Variants in NDUFV1 observed in about 807,000 individuals in gnomAD.
NDUFV1 encodes the protein NADH dehydrogenase [ubiquinone] flavoprotein 1, mitochondrial.
NDUFV1 carries 41 observed loss-of-function variants against 48.7 expected under a neutral mutation model. The ratio of observed to expected loss-of-function variants is 0.84; its 90% confidence interval spans 0.66 to 1.09. The LOEUF is 1.09. Among genes scored for constraint, NDUFV1 ranks in the 50% least tolerant of loss-of-function variants. The pLI, the probability that NDUFV1 is intolerant of heterozygous loss-of-function variation, is 0.00. For missense variants in NDUFV1, 580 were observed against 645.4 expected (o/e 0.90, Z 1.10); for synonymous variants, 231 against 259.1 (o/e 0.89, Z 1.04).
intron 1 of NDUFV1, chr11:67,607,701 G>A (rs1048076701): frequency 1.7e-5 from 6 of 351,450 alleles, no homozygotes; most frequent in East Asian, 7.6e-5. Context: ...TGCCACACTC[G>A]GCTTGTGGGG....
At chr11:67,609,375 G>A (rs903720412) in intron 3 of NDUFV1, 77 bp from the exon 4 acceptor site, 2 of 1,474,744 alleles carry the variant, frequency 1.4e-6, no homozygotes, top group African/African-American at 2.8e-5. Flanking sequence ...GGCCTCCCTG[G>A]GTGGAGTGGG....
intron 5 of NDUFV1, 111 bp downstream of exon 5, chr11:67,610,681 C>T: frequency 7.0e-7 from 1 of 1,436,584 alleles, no homozygotes; most frequent in Non-Finnish European, 9.5e-7. Flanking sequence ...CGGCTGGGGC[C>T]AGATAGAGAG....
In NDUFV1 at chr11:67,609,617, T is replaced by C; in HGVS notation, c.492T>C (p.Asn164=). 2 of 1,605,870 alleles carry C rather than the reference T, an allele frequency of 1.2e-6. No homozygotes were observed. Among genetic ancestry groups the C allele is most frequent in the South Asian group, 1.1e-5 (1 of 91,086 alleles). The change falls in exon 4 of 10, where the codon AAT becomes AAC. Residue 164 remains asparagine (N), a synonymous_variant. Coordinates refer to ENST00000322776, the MANE Select transcript of NDUFV1 (RefSeq NM_007103.4). ...TCTACATCCGAGGGGAATTCTACAA[T>C]GAGGCCTCCAATCTGCAGGTGGGTA... ...AYIYIRGEFY[N]EASNLQVAIR... is the part of the protein sequence containing the mutation.
In NDUFV1 at chr11:67,611,237, G is replaced by A; in HGVS notation, c.913+30G>A. On this transcript the variant is annotated intron_variant, in intron 6 of 9. Coordinates refer to ENST00000322776, the MANE Select transcript of NDUFV1 (RefSeq NM_007103.4). The surrounding 1 kb of genome is among the most constrained non-coding windows in gnomAD (Gnocchi z 4.2). ...GGCCTGGGGCCAGCCAGGTGGTGGG[G>A]GGGTGCGCAGTGGGGGCAGGTGTCC... 6.2e-7 allele frequency: 1 copy of A among 1,610,740 alleles called. No homozygotes were observed. Among genetic ancestry groups the A allele is most frequent in the Non-Finnish European group, 8.5e-7 (1 of 1,177,442 alleles).
chr11:67,610,623 T>A, intron 5 of NDUFV1, 53 bp downstream of exon 5: 1 of 1,598,388 alleles, frequency 6.3e-7, no homozygotes, highest in Non-Finnish European at 8.5e-7. Flanking sequence ...ACCCGGGATC[T>A]GGCTAGGCTC....
chr11:67,611,673 G>A lies in NDUFV1; in HGVS notation c.1080+104G>A, dbSNP rs1189785284. 4.6e-6 allele frequency: 7 copies of A among 1,513,156 alleles called. No homozygotes were observed. The African/African-American group carries it at 8.3e-5, about 18-fold the overall frequency. 93.7% of individuals were successfully genotyped at this position (1,513,156 alleles called of 1,614,324 possible). On this transcript the variant is annotated intron_variant, in intron 7 of 9. Transcript: ENST00000322776. This position sits in a 1 kb window ranked among gnomAD's most constrained non-coding sequence, Gnocchi z 4.2. ...TGCCAGCACTCAGGTCTCAGTTCCT[G>A]CAGCCTGAGATAAAGCAAGGTGGAA... is the stretch of plus-strand genomic sequence containing the variant.
At chr11:67,608,276 A>T (rs946368440) in intron 1 of NDUFV1, 120 bp from the exon 2 acceptor site, 6 of 928,384 alleles carry the variant, frequency 6.5e-6, no homozygotes, top group Non-Finnish European at 8.9e-6. Flanking sequence ...GATGCTATAG[A>T]TGCTTCCCTA....
In NDUFV1 at chr11:67,611,006, T is replaced by C. The variant is rs759194606; in HGVS notation, c.712T>C (p.Cys238Arg). ...CCATTTCCCTGAAGGAGTGTTTGGC[T>C]GCCCCACAACTGTGGCCAACGTGGA... ...PFPADVGVFGCPTTVANVETV... is the reference protein window; with the variant it reads ...PFPADVGVFGRPTTVANVETV... Residue 238 changes from cysteine to arginine, a missense_variant, in exon 6 of 10, where the codon TGC becomes CGC. Physicochemically the swap from Cys to Arg is radical, Grantham distance 180. Coordinates refer to ENST00000322776, the MANE Select transcript of NDUFV1 (RefSeq NM_007103.4). This position sits in a 1 kb window ranked among gnomAD's most constrained non-coding sequence, Gnocchi z 4.2. The C allele has an allele frequency of 2.5e-6, 4 of 1,614,234 alleles. No homozygotes were observed. The highest frequency in any genetic ancestry group is 1.7e-6 in the Non-Finnish European group (2 of 1,180,042).
rs1854919687 is a variant in NDUFV1 at position 67,611,677 on chromosome 11, C to A, written c.1080+108C>A. The A allele has an allele frequency of 3.3e-6, 5 of 1,505,166 alleles. No homozygotes were observed. The highest frequency in any genetic ancestry group is 4.5e-6 in the Non-Finnish European group (5 of 1,111,090). The allele number at this position is 1,505,166 out of a possible 1,614,324, so 93.2% of individuals were successfully genotyped here. On this transcript the variant is annotated intron_variant, in intron 7 of 9. Coordinates refer to ENST00000322776, the MANE Select transcript of NDUFV1 (RefSeq NM_007103.4). This position sits in a 1 kb window ranked among gnomAD's most constrained non-coding sequence, Gnocchi z 4.2. ...AGCACTCAGGTCTCAGTTCCTGCAG[C>A]CTGAGATAAAGCAAGGTGGAAGAGG...
At position 67,606,995 on chromosome 11, in the gene NDUFV1, G is replaced by A; in HGVS notation, c.-10G>A. 2 of 1,608,644 alleles carry A rather than the reference G, an allele frequency of 1.2e-6. No individual in the cohort carries two copies. Among genetic ancestry groups the A allele is most frequent in the Non-Finnish European group, 1.7e-6 (2 of 1,178,278 alleles). Reference sequence around the variant, plus strand: ...GTGACAGCGTGAGGTGACCCATCTGGCCCGCCGCGATGCTGGCAACACGGC... The same window carrying A: ...GTGACAGCGTGAGGTGACCCATCTGACCCGCCGCGATGCTGGCAACACGGC... On this transcript the variant is annotated 5_prime_UTR_variant, in exon 1 of 10. Coordinates refer to ENST00000322776, the MANE Select transcript of NDUFV1 (RefSeq NM_007103.4).
intron 4 of NDUFV1, 31 bp downstream of exon 4, chr11:67,609,666 A>T (rs1854877398): frequency 6.3e-7 from 1 of 1,597,990 alleles, no homozygotes. Flanking sequence ...ACAGATGAGA[A>T]GGTGTTCAGT....
At chr11:67,608,244 A>C (rs548201606) in intron 1 of NDUFV1, 152 bp from the exon 2 acceptor site, 11 of 734,050 alleles carry the variant, frequency 1.5e-5, no homozygotes, top group African/African-American at 5.4e-5. Context: ...AAAAATGCTT[A>C]CTAAGTGGCA....
rs761356156 is a variant in NDUFV1, at chr11:67,610,509, C to T, written c.639C>T (p.Ile213=). The change falls in exon 5 of 10, where the codon ATC becomes ATT. Residue 213 remains isoleucine, a synonymous_variant. Transcript: ENST00000322776. ...AYICGEETAL[I]ESIEGKQGKP... The stretch of plus-strand genomic sequence containing the variant: ...TCTGTGGAGAGGAGACAGCGCTCAT[C>T]GAGTCCATTGAGGGCAAGCAGGGCA... 24 of 1,614,048 alleles carry T rather than the reference C, an allele frequency of 1.5e-5. No homozygotes were observed. In the Admixed American group the frequency reaches 2.0e-4, roughly 13 times the overall value.
chr11:67,609,509 G>A lies in NDUFV1; in HGVS notation c.384G>A (p.Arg128=). 6.2e-7 allele frequency: 1 copy of A among 1,613,496 alleles called. No homozygotes were observed. The highest frequency in any genetic ancestry group is 8.5e-7 in the Non-Finnish European group (1 of 1,179,858). Reference sequence around the variant, plus strand: ...GGGAGCCGGGCACCTGCAAGGACCGGGAGATCTTACGCCATGATCCTCACA... The same window carrying A: ...GGGAGCCGGGCACCTGCAAGGACCGAGAGATCTTACGCCATGATCCTCACA... The part of the protein sequence containing the change: ...DEGEPGTCKD[R]EILRHDPHKL... The change falls in exon 4 of 10, where the codon CGG becomes CGA. Residue 128 remains arginine, a synonymous_variant. Coordinates refer to ENST00000322776, the MANE Select transcript of NDUFV1 (RefSeq NM_007103.4).
chr11:67,609,381 G>A lies in NDUFV1; in HGVS notation c.327-71G>A, dbSNP rs192009488. 531 of 1,510,776 alleles carry A rather than the reference G, an allele frequency of 3.5e-4. No individual in the cohort carries two copies. In the African/African-American group the frequency reaches 6.6e-3, roughly 19 times the overall value. The allele number at this position is 1,510,776 out of a possible 1,614,324, so 93.6% of individuals were successfully genotyped here. On this transcript the variant is annotated intron_variant, in intron 3 of 9. Coordinates refer to ENST00000322776, the MANE Select transcript of NDUFV1 (RefSeq NM_007103.4). ...CATCTTTGAGGCCTCCCTGGGTGGA[G>A]TGGGGTGGCATGGAGTTGAAGACCC...
rs1275082676 is a variant in NDUFV1 at position 67,611,822 on chromosome 11, G to A, written c.1081-75G>A. The stretch of plus-strand genomic sequence containing the variant: ...GGAAGAGCTTCTGGAACTGGGGGAG[G>A]GGCTGCTGCTAGGGGGCTGAGGCCC... On this transcript the variant is annotated intron_variant, in intron 7 of 9. Coordinates refer to ENST00000322776, the MANE Select transcript of NDUFV1 (RefSeq NM_007103.4). This position sits in a 1 kb window ranked among gnomAD's most constrained non-coding sequence, Gnocchi z 4.2. 1.3e-6 allele frequency: 2 copies of A among 1,563,102 alleles called. No homozygotes were observed. The highest frequency in any genetic ancestry group is 1.8e-6 in the Non-Finnish European group (2 of 1,136,024).
Position 67,611,452 on chromosome 11 carries a change from C to G in NDUFV1, c.963C>G (p.Gly321=). The G allele has an allele frequency of 1.2e-6, 2 of 1,614,160 alleles. No homozygotes were observed. Among genetic ancestry groups the G allele is most frequent in the Middle Eastern group, 1.7e-4 (1 of 6,058 alleles). ...WDNLLAVIPG[G]SSTPLIPKSV... is the part of the protein sequence containing the mutation. The stretch of plus-strand genomic sequence containing the variant: ...ACCTCCTTGCTGTGATCCCTGGCGG[C>G]TCGTCTACCCCACTGATCCCCAAGT... The change falls in exon 7 of 10, where the codon GGC becomes GGG. Residue 321 remains glycine (G), a synonymous_variant. Transcript: ENST00000322776. The surrounding 1 kb of genome is among the most constrained non-coding windows in gnomAD (Gnocchi z 4.2).
rs1854924286 is a variant in NDUFV1, at chr11:67,611,947, G to A, written c.1131G>A (p.Glu377=). The change falls in exon 8 of 10, where the codon GAG becomes GAA. Residue 377 remains glutamate, a synonymous_variant. Coordinates refer to ENST00000322776, the MANE Select transcript of NDUFV1 (RefSeq NM_007103.4). This position sits in a 1 kb window ranked among gnomAD's most constrained non-coding sequence, Gnocchi z 4.2. ...IARLIEFYKH[E]SCGQCTPCRE... is the part of the protein sequence containing the mutation. Reference sequence around the variant, plus strand: ...GCCTCATTGAGTTCTATAAGCACGAGAGCTGTGGCCAGTGTACCCCATGCC... The same window carrying A: ...GCCTCATTGAGTTCTATAAGCACGAAAGCTGTGGCCAGTGTACCCCATGCC... 6.2e-7 allele frequency: 1 copy of A among 1,614,074 alleles called. No individual in the cohort carries two copies. Among genetic ancestry groups the A allele is most frequent in the Non-Finnish European group, 8.5e-7 (1 of 1,180,016 alleles).
At chr11:67,607,471 G>C in intron 1 of NDUFV1, 2 of 476,168 alleles carry the variant, frequency 4.2e-6, no homozygotes, top group South Asian at 3.1e-5. Flanking sequence ...CTCTTAAAAG[G>C]ATGGGAATCC....
Sources: allele counts gnomAD v4.1 joint callset, GRCh38; gene constraint gnomAD v4.1.1; non-coding constraint Gnocchi (gnomAD v3.1); transcripts MANE v1.5; gene names NCBI Gene and HGNC (gene_info 2026-07-23, HGNC 2026-07-21).